Variants in CDKN2B-AS1 observed in about 807,000 individuals in gnomAD.
The protein encoded by CDKN2B-AS1 is CDKN2B and CDKN2A antisense cis and trans regulatory RNA 1.
chr9:22,021,186 G>A (rs1180598724), intron 1 of CDKN2B-AS1, among the ~76,000 whole-genome samples: 1 of 152,052 alleles, frequency 6.6e-6, no homozygotes, highest in Non-Finnish European at 1.5e-5. Context: ...GATAGTTGGA[G>A]GTGTGTAGTC....
chr9:22,116,340 C>A (rs1825949364), intron 4 of CDKN2B-AS1, among the ~76,000 whole-genome samples: 1 of 152,156 alleles, frequency 6.6e-6, no homozygotes, highest in Non-Finnish European at 1.5e-5. Context: ...GTCTTATGTG[C>A]CACAACTGTT....
At position 22,034,057 on chromosome 9, in the gene CDKN2B-AS1, T is replaced by G. The variant is rs189425216; in HGVS notation, n.30-12694T>G. ...GTAACTTCGATAAAAGACATGAAGT[T>G]AATGAATATATGAAAGATGGTGAAT... is the stretch of plus-strand genomic sequence containing the variant. On this transcript the variant is annotated intron_variant and non_coding_transcript_variant, in intron 1 of 4. Coordinates refer to ENST00000650946, the Ensembl canonical transcript of CDKN2B-AS1. 5.6e-4 allele frequency among the ~76,000 whole-genome samples: 86 copies of G among 152,338 alleles called. 1 individual carries two copies. The highest frequency in any genetic ancestry group is 1.9e-3 in the African/African-American group (78 of 41,572).
intron 1 of CDKN2B-AS1, among the ~76,000 whole-genome samples, chr9:22,019,220 C>A (rs1050599526): frequency 2.0e-5 from 3 of 152,064 alleles, no homozygotes; most frequent in African/African-American, 7.3e-5. Flanking sequence ...TAAGGATAAG[C>A]CATTGATGTG....
At chr9:22,089,463 T>C (rs1384773176) in intron 4 of CDKN2B-AS1, among the ~76,000 whole-genome samples, 2 of 152,084 alleles carry the variant, frequency 1.3e-5, no homozygotes, top group Non-Finnish European at 2.9e-5. Flanking sequence ...AGGGTCTCAC[T>C]CTGTCACCCA....
intron 4 of CDKN2B-AS1, among the ~76,000 whole-genome samples, chr9:22,067,849 A>G (rs1313358517): frequency 6.6e-6 from 1 of 152,206 alleles, no homozygotes; most frequent in Admixed American, 6.5e-5. Flanking sequence ...TCAGGTGAAG[A>G]AGGCAAAGGA....
At chr9:22,031,512 A>T (rs147180697) in intron 1 of CDKN2B-AS1, among the ~76,000 whole-genome samples, 15 of 152,332 alleles carry the variant, frequency 9.8e-5, no homozygotes, top group African/African-American at 1.4e-4. Flanking sequence ...CTTTAGATCA[A>T]CCCAGTGCTC....
Position 22,009,083 on chromosome 9 carries a change from A to T in CDKN2B-AS1, n.29+13922A>T, listed in dbSNP as rs548690253. On this transcript the variant is annotated intron_variant and non_coding_transcript_variant, in intron 1 of 4. Transcript: ENST00000650946. ...TCCTAGGAGACCTGGGCTCAGCTTC[A>T]TTACCCTCCCGTCGTCCTTCTGCGG... 400 of 1,385,892 alleles carry T rather than the reference A, an allele frequency of 2.9e-4. 1 individual carries two copies. Among genetic ancestry groups the T allele is most frequent in the Middle Eastern group, 2.7e-3 (11 of 4,114 alleles). 85.8% of individuals were successfully genotyped at this position (1,385,892 alleles called of 1,614,324 possible).
At chr9:22,048,403 C>G (rs1163956012) in intron 2 of CDKN2B-AS1, among the ~76,000 whole-genome samples, 1 of 152,150 alleles carries the variant, frequency 6.6e-6, no homozygotes, top group African/African-American at 2.4e-5. Flanking sequence ...TCTTCTCTTT[C>G]ACATAACTCC....
At chr9:22,021,852 C>G (rs1382207557) in intron 1 of CDKN2B-AS1, among the ~76,000 whole-genome samples, 1 of 152,010 alleles carries the variant, frequency 6.6e-6, no homozygotes, top group Non-Finnish European at 1.5e-5. Context: ...TGAATAGAAA[C>G]TAATGCTGCA....
At chr9:22,110,623 TA>T (rs1378267381) in intron 4 of CDKN2B-AS1, among the ~76,000 whole-genome samples, 2 of 152,306 alleles carry the variant, frequency 1.3e-5, no homozygotes, top group East Asian at 3.9e-4. Context: ...TTACTATGAT[TA>T]TTTTTTGTGT....
At chr9:22,041,635 G>T (rs1822900728) in intron 1 of CDKN2B-AS1, among the ~76,000 whole-genome samples, 2 of 152,034 alleles carry the variant, frequency 1.3e-5, no homozygotes, top group Non-Finnish European at 2.9e-5. Flanking sequence ...GCTGAAAGGT[G>T]AAAACACTTT....
Position 21,996,614 on chromosome 9 carries a change from G to A in CDKN2B-AS1, n.29+1453G>A, listed in dbSNP as rs1820698426. On this transcript the variant is annotated intron_variant and non_coding_transcript_variant, in intron 1 of 4. Transcript: ENST00000650946. The surrounding 1 kb of genome is among the most constrained non-coding windows in gnomAD (Gnocchi z 5.4). ...GTTGTGTAGAATGTCAGCTCTATGGGAACCAGATCCTTTTATGGGTCTTCC... is the reference window on the plus strand; with the variant it reads ...GTTGTGTAGAATGTCAGCTCTATGGAAACCAGATCCTTTTATGGGTCTTCC... Among the ~76,000 whole-genome samples the A allele has an allele frequency of 7.4e-6, 1 of 134,890 alleles. No homozygotes were observed. The highest frequency in any genetic ancestry group is 2.3e-4 in the South Asian group (1 of 4,284). 88.5% of individuals were successfully genotyped at this position (134,890 alleles called of 152,430 possible).
At chr9:22,025,868 G>C (rs1022495821) in intron 1 of CDKN2B-AS1, among the ~76,000 whole-genome samples, 1 of 152,144 alleles carries the variant, frequency 6.6e-6, no homozygotes, top group African/African-American at 2.4e-5. Context: ...GTGCCATACT[G>C]GGGGTATGCT....
chr9:22,035,917 C>T (rs563762286), intron 1 of CDKN2B-AS1, among the ~76,000 whole-genome samples: 4 of 152,072 alleles, frequency 2.6e-5, no homozygotes, highest in Non-Finnish European at 5.9e-5. Context: ...GCATCAATCA[C>T]GGTGAAGGAG....
intron 4 of CDKN2B-AS1, among the ~76,000 whole-genome samples, chr9:22,100,937 T>G (rs73438873): frequency 0.01 from 1,535 of 152,326 alleles, 30 homozygotes; most frequent in African/African-American, 0.034. Flanking sequence ...TATTAACCAT[T>G]CACGTGTCTT....
intron 4 of CDKN2B-AS1, among the ~76,000 whole-genome samples, chr9:22,125,787 G>A (rs1818010364): frequency 1.3e-5 from 2 of 151,820 alleles, no homozygotes; most frequent in Admixed American, 1.3e-4. Context: ...CAAACCAAAT[G>A]TTCATCAATA....
intron 4 of CDKN2B-AS1, among the ~76,000 whole-genome samples, chr9:22,102,714 A>G (rs775810337): frequency 3.9e-5 from 6 of 152,200 alleles, no homozygotes; most frequent in Admixed American, 1.3e-4. Flanking sequence ...AAATATGAAC[A>G]TTCTAATTAC....
rs528458324 is a variant in CDKN2B-AS1 at position 22,001,018 on chromosome 9, A to G, written n.29+5857A>G. Among the ~76,000 whole-genome samples the G allele has an allele frequency of 3.8e-4, 58 of 152,270 alleles. No homozygotes were observed. Among genetic ancestry groups the G allele is most frequent in the African/African-American group, 1.4e-3 (58 of 41,562 alleles). On this transcript the variant is annotated intron_variant and non_coding_transcript_variant, in intron 1 of 4. Transcript: ENST00000650946. The surrounding 1 kb of genome is among the most constrained non-coding windows in gnomAD (Gnocchi z 4.2). ...GGAGACCCAGTTTTTAGCCAAGACTAAAAGGTTTTAGCCAAGGGGATGGAA... is the reference window on the plus strand; with the variant it reads ...GGAGACCCAGTTTTTAGCCAAGACTGAAAGGTTTTAGCCAAGGGGATGGAA...
chr9:22,113,680 C>G (rs554997807), intron 4 of CDKN2B-AS1: 54 of 152,158 alleles, frequency 3.5e-4, no homozygotes, highest in African/African-American at 1.3e-3. Context: ...TTAACATAGA[C>G]GTAAGATCAA....
Sources: allele counts gnomAD v4.1 joint callset (sites outside exome capture counted in the v4.1 genomes callset), GRCh38; gene constraint gnomAD v4.1.1; non-coding constraint Gnocchi (gnomAD v3.1); transcripts MANE v1.5; gene names NCBI Gene and HGNC (gene_info 2026-07-23, HGNC 2026-07-21).